The following PIK3AP1 variants were observed in gnomAD, a reference collection of about 807,000 sequenced individuals.
PIK3AP1 encodes the protein phosphoinositide 3-kinase adapter protein 1.
In PIK3AP1, 21 loss-of-function variants were observed where a neutral mutation model predicts 88.1. The ratio of observed to expected loss-of-function variants is 0.24; its 90% CI spans 0.17 to 0.34. PIK3AP1 has a LOEUF of 0.34. PIK3AP1 is among the 10% of genes least tolerant of loss of function. PIK3AP1 has a pLI of 1.00. For missense variants in PIK3AP1, 828 were observed against 1,035.7 expected, an observed-to-expected ratio of 0.80 and a Z score of 2.75; for synonymous variants, 398 against 400.0, an observed-to-expected ratio of 1.00 and a Z score of 0.06.
At chr10:96,601,928 G>T (rs1446623214) in intron 16 of PIK3AP1, among the ~76,000 whole-genome samples, 1 of 152,162 alleles carries the variant, frequency 6.6e-6, no homozygotes, top group East Asian at 1.9e-4. Flanking sequence ...CTGTCACCCA[G>T]GCTAGAGTGC....
chr10:96,705,996 C>A (rs1844358994), intron 2 of PIK3AP1, among the ~76,000 whole-genome samples: 1 of 150,132 alleles, frequency 6.7e-6, no homozygotes, highest in African/African-American at 2.5e-5. Flanking sequence ...CAGGTTCACG[C>A]CATTCTCCTG....
intron 2 of PIK3AP1, among the ~76,000 whole-genome samples, chr10:96,693,032 A>G (rs930521912): frequency 6.6e-6 from 1 of 152,234 alleles, no homozygotes; most frequent in African/African-American, 2.4e-5. Flanking sequence ...TGCCCTGTCC[A>G]CTGTAGAAAC....
chr10:96,617,739 G>A (rs747739585), intron 12 of PIK3AP1, among the ~76,000 whole-genome samples: 20 of 152,174 alleles, frequency 1.3e-4, no homozygotes, highest in Non-Finnish European at 2.5e-4. Flanking sequence ...GCGGAAGCAC[G>A]GGAGAAGGCC....
intron 2 of PIK3AP1, among the ~76,000 whole-genome samples, chr10:96,686,644 GC>G (rs1319996375): frequency 6.6e-6 from 1 of 152,112 alleles, no homozygotes; most frequent in Non-Finnish European, 1.5e-5. Context: ...CACCCAGTCA[GC>G]CCTCAGCATT....
At chr10:96,664,321 T>G (rs1843732638) in intron 2 of PIK3AP1, among the ~76,000 whole-genome samples, 1 of 152,170 alleles carries the variant, frequency 6.6e-6, no homozygotes, top group Non-Finnish European at 1.5e-5. Context: ...ATATAAAAAA[T>G]GCATTTTAAA....
intron 2 of PIK3AP1, among the ~76,000 whole-genome samples, chr10:96,701,597 T>C (rs112896933): frequency 0.01 from 1,572 of 152,246 alleles, 30 homozygotes; most frequent in African/African-American, 0.035. Context: ...CATACGACTA[T>C]CCTTGCAAGA....
At chr10:96,697,204 AG>A (rs1844232554) in intron 2 of PIK3AP1, among the ~76,000 whole-genome samples, 1 of 152,216 alleles carries the variant, frequency 6.6e-6, no homozygotes, top group African/African-American at 2.4e-5. Flanking sequence ...CTCTCGTTAT[AG>A]GTATTAGCCC....
intron 2 of PIK3AP1, among the ~76,000 whole-genome samples, chr10:96,690,786 C>T (rs1332523234): frequency 6.6e-6 from 1 of 152,196 alleles, no homozygotes; most frequent in African/African-American, 2.4e-5. Context: ...AATCTCCTGG[C>T]CACAGTTAAT....
intron 8 of PIK3AP1, among the ~76,000 whole-genome samples, chr10:96,629,909 C>CAAAAAAAAAAAAAAAAA (rs66669261): frequency 1.8e-4 from 1 of 5,414 alleles, no homozygotes; most frequent in Admixed American, 3.5e-3. Context: ...CAACAACAAC[C>CAAAAAAAAAAAAAAAAA]AAAAAAAAAA....
rs763923650 is a variant in PIK3AP1 at position 96,711,739 on chromosome 10, A to ATTTTTTTTTTTTTTTTTTT, written c.14-1775_14-1757dup. Among the ~76,000 whole-genome samples the ATTTTTTTTTTTTTTTTTTT allele has an allele frequency of 4.4e-4, 29 of 66,446 alleles. 4 individuals are homozygous for ATTTTTTTTTTTTTTTTTTT. Among genetic ancestry groups the ATTTTTTTTTTTTTTTTTTT allele is most frequent in the African/African-American group, 2.0e-3 (28 of 14,256 alleles). 43.6% of individuals were successfully genotyped at this position (66,446 alleles called of 152,430 possible). ...ATTTCCCCCAGGATGAGATTACCAA[A>ATTTTTTTTTTTTTTTTTTT]TTTTTTTTTTTTTTTTTTTTTTTTT... On this transcript the variant is annotated intron_variant, in intron 1 of 16. Transcript: ENST00000339364.
intron 8 of PIK3AP1, among the ~76,000 whole-genome samples, chr10:96,638,465 CACACAG>C (rs1394718997): frequency 1.2e-4 from 9 of 77,944 alleles, no homozygotes; most frequent in African/African-American, 3.4e-4. Context: ...GACACACACA[CACACAG>C]ACACACACAC....
intron 8 of PIK3AP1, among the ~76,000 whole-genome samples, chr10:96,641,143 C>T (rs1843383834): frequency 7.0e-6 from 1 of 141,936 alleles, no homozygotes; most frequent in Admixed American, 7.0e-5. Context: ...ATGTATACAC[C>T]CACGCAAGCA....
intron 2 of PIK3AP1, among the ~76,000 whole-genome samples, chr10:96,658,523 A>G (rs1207952203): frequency 6.6e-6 from 1 of 152,136 alleles, no homozygotes; most frequent in African/African-American, 2.4e-5. Flanking sequence ...TGCTGTAACT[A>G]TAAGACCCTG....
chr10:96,716,139 A>T (rs1361656824), intron 1 of PIK3AP1, among the ~76,000 whole-genome samples: 1 of 149,424 alleles, frequency 6.7e-6, no homozygotes, highest in African/African-American at 2.5e-5. Context: ...AAAATTAGCC[A>T]GGCGTGGTGG....
At chr10:96,640,214 T>C (rs72818997) in intron 8 of PIK3AP1, among the ~76,000 whole-genome samples, 4,334 of 152,256 alleles carry the variant, frequency 0.028, 115 homozygotes, top group Non-Finnish European at 0.036. Context: ...GATTAGTGAG[T>C]CTGCAGTTTC....
chr10:96,708,594 A>T (rs1216829782), intron 2 of PIK3AP1, among the ~76,000 whole-genome samples: 1 of 150,728 alleles, frequency 6.6e-6, no homozygotes, highest in Non-Finnish European at 1.5e-5. Context: ...AAAAAAAAAA[A>T]AAAAAAAGCA....
chr10:96,597,510 A>G (rs2134175229), intron 16 of PIK3AP1, among the ~76,000 whole-genome samples: 1 of 152,226 alleles, frequency 6.6e-6, no homozygotes, highest in African/African-American at 2.4e-5. Flanking sequence ...GACGGACAAT[A>G]GGCAAAAAAT....
intron 6 of PIK3AP1, 106 bp from the exon 7 acceptor site, chr10:96,648,961 C>T: frequency 1.1e-6 from 1 of 878,016 alleles, no homozygotes; most frequent in African/African-American, 1.8e-5. Context: ...ACAGAAAGCA[C>T]TCAGCCATTA....
chr10:96,641,228 A>G (rs1843384993), intron 8 of PIK3AP1, among the ~76,000 whole-genome samples: 1 of 151,994 alleles, frequency 6.6e-6, no homozygotes, highest in African/African-American at 2.4e-5. Flanking sequence ...CTCCAGCCCC[A>G]TTTCAATTAA....
Sources: allele counts gnomAD v4.1 joint callset (sites outside exome capture counted in the v4.1 genomes callset), GRCh38; gene constraint gnomAD v4.1.1; transcripts MANE v1.5; gene names NCBI Gene and HGNC (gene_info 2026-07-23, HGNC 2026-07-21).